The following ZNF264 variants were observed in gnomAD, a reference collection of about 807,000 sequenced individuals.
ZNF264 encodes the protein zinc finger protein 264.
A neutral mutation model predicts 11.2 loss-of-function variants in ZNF264; 11 were observed. That is an observed-to-expected ratio of 0.98 (90% confidence interval 0.62 to 1.63). ZNF264 has a LOEUF of 1.63. ZNF264 is among the 40% of genes most tolerant of loss of function. The pLI is 0.00. For synonymous variants in ZNF264, 309 were observed against 279.8 expected, an observed-to-expected ratio of 1.10 and a Z score of -1.04; for missense variants, 752 against 768.1, an observed-to-expected ratio of 0.98 and a Z score of 0.25.
chr19:57,191,952 T>TG lies in ZNF264; in HGVS notation c.33+8dup. On this transcript the variant is annotated splice_region_variant and intron_variant, in intron 1 of 3. Coordinates refer to ENST00000263095, the MANE Select transcript of ZNF264 (RefSeq NM_003417.5). Reference sequence around the variant, plus strand: ...TGCTGACGGACCGGGCCCAGGTGAGTGGACGGTGGCTTCGCGGTTGCCGCT... The same window carrying TG: ...TGCTGACGGACCGGGCCCAGGTGAGTGGGACGGTGGCTTCGCGGTTGCCGCT... 1 of 1,532,812 alleles carries TG rather than the reference T, an allele frequency of 6.5e-7. No homozygotes were observed. Among genetic ancestry groups the TG allele is most frequent in the Non-Finnish European group, 8.8e-7 (1 of 1,137,988 alleles). The allele number at this position is 1,532,812 out of a possible 1,614,324, so 95.0% of individuals were successfully genotyped here.
Position 57,212,098 on chromosome 19 carries a change from A to G in ZNF264, c.1001A>G (p.Tyr334Cys). ...FRHRPGFLRH[Y>C]VVHSGENPYE... ...CATAGGCCAGGCTTTCTCCGGCACT[A>G]TGTTGTCCACAGTGGTGAGAATCCC... The change falls in exon 4 of 4, where the codon TAT becomes TGT. Residue 334 changes from tyrosine to cysteine, a missense_variant. Coordinates refer to ENST00000263095, the MANE Select transcript of ZNF264 (RefSeq NM_003417.5). The G allele has an allele frequency of 1.2e-6, 2 of 1,614,172 alleles. No homozygotes were observed. The highest frequency in any genetic ancestry group is 1.7e-6 in the Non-Finnish European group (2 of 1,180,036).
At chr19:57,210,138 T>C (rs1221796073) in intron 3 of ZNF264, among the ~76,000 whole-genome samples, 1 of 152,176 alleles carries the variant, frequency 6.6e-6, no homozygotes, top group Non-Finnish European at 1.5e-5. Context: ...TCCTGCAGTT[T>C]CTTTGTACTT....
rs1599955677 is a variant in ZNF264 at position 57,212,796 on chromosome 19, A to G, written c.1699A>G (p.Ile567Val). Residue 567 changes from isoleucine to valine, a missense_variant, in exon 4 of 4, where the codon ATC becomes GTC. Coordinates refer to ENST00000263095, the MANE Select transcript of ZNF264 (RefSeq NM_003417.5). ...AAGGATGCATACTGGGAAAAATCCCATCAGTGTAACAGATGTGGGAAGACC... is the reference window on the plus strand; with the variant it reads ...AAGGATGCATACTGGGAAAAATCCCGTCAGTGTAACAGATGTGGGAAGACC... The part of the protein sequence containing the change: ...HQRMHTGKNP[I>V]SVTDVGRPFT... The G allele has an allele frequency of 6.2e-7, 1 of 1,614,130 alleles. No individual in the cohort carries two copies. Among genetic ancestry groups the G allele is most frequent in the Non-Finnish European group, 8.5e-7 (1 of 1,179,946 alleles).
At chr19:57,196,080 A>G (rs1481372381) in intron 2 of ZNF264, among the ~76,000 whole-genome samples, 2 of 151,808 alleles carry the variant, frequency 1.3e-5, no homozygotes, top group Non-Finnish European at 2.9e-5. Context: ...CCTGCAAAGT[A>G]TTGTCACTAG....
At chr19:57,199,722 A>G (rs879112429) in intron 2 of ZNF264, among the ~76,000 whole-genome samples, 5 of 151,866 alleles carry the variant, frequency 3.3e-5, no homozygotes, top group Admixed American at 3.3e-4. Context: ...TCACCTCCCC[A>G]TGGGTCACAC....
chr19:57,207,203 A>C (rs2087299157), intron 3 of ZNF264, among the ~76,000 whole-genome samples: 3 of 152,044 alleles, frequency 2.0e-5, no homozygotes, highest in Admixed American at 2.0e-4. Context: ...CCAACCTCAG[A>C]CAAGTCAACC....
chr19:57,201,282 G>T (rs2087251570), intron 2 of ZNF264, among the ~76,000 whole-genome samples: 1 of 151,858 alleles, frequency 6.6e-6, no homozygotes, highest in South Asian at 2.1e-4. Context: ...AGAAGTAGTG[G>T]ATCTTAGTTT....
chr19:57,204,981 T>G (rs554031087), intron 2 of ZNF264, among the ~76,000 whole-genome samples: 1 of 151,730 alleles, frequency 6.6e-6, no homozygotes, highest in South Asian at 2.1e-4. Flanking sequence ...AAAATGGTGT[T>G]GATCACGATG....
Position 57,218,427 on chromosome 19 carries a change from G to A in ZNF264, c.*5446G>A, listed in dbSNP as rs1198258921. The A allele has an allele frequency of 6.6e-6, 1 of 152,342 alleles. No homozygotes were observed. The highest frequency in any genetic ancestry group is 2.4e-5 in the African/African-American group (1 of 41,458). The allele number at this position is 152,342 out of a possible 1,614,324, so 9.4% of individuals were successfully genotyped here. ...CTCTAGTGTTCAGAAGTTTGGCTGTGATGTGCGTGGCATGGAAGTTTTTGG... is the reference window on the plus strand; with the variant it reads ...CTCTAGTGTTCAGAAGTTTGGCTGTAATGTGCGTGGCATGGAAGTTTTTGG... On this transcript the variant is annotated 3_prime_UTR_variant, in exon 4 of 4. Coordinates refer to ENST00000263095, the MANE Select transcript of ZNF264 (RefSeq NM_003417.5).
intron 2 of ZNF264, among the ~76,000 whole-genome samples, chr19:57,204,108 A>AC (rs1264864638): frequency 1.3e-5 from 2 of 150,860 alleles, no homozygotes; most frequent in Non-Finnish European, 2.9e-5. Flanking sequence ...AATGGTGTGA[A>AC]CCCGGGCTGA....
In ZNF264 at chr19:57,219,027, C is replaced by A. The variant is rs929800190; in HGVS notation, c.*6046C>A. The A allele has an allele frequency of 6.6e-6, 1 of 152,136 alleles. No homozygotes were observed. The highest frequency in any genetic ancestry group is 1.5e-5 in the Non-Finnish European group (1 of 68,040). The allele number at this position is 152,136 out of a possible 1,614,324, so 9.4% of individuals were successfully genotyped here. On this transcript the variant is annotated 3_prime_UTR_variant, in exon 4 of 4. Transcript: ENST00000263095. ...ATATTTCTATGAACAGATCTTACAACTGAGAGTGATCTGCAGATTTTTCAG... is the reference window on the plus strand; with the variant it reads ...ATATTTCTATGAACAGATCTTACAAATGAGAGTGATCTGCAGATTTTTCAG...
At chr19:57,196,585 C>T (rs944434180) in intron 2 of ZNF264, among the ~76,000 whole-genome samples, 1 of 151,914 alleles carries the variant, frequency 6.6e-6, no homozygotes, top group Non-Finnish European at 1.5e-5. Flanking sequence ...CCATCCCTGC[C>T]ACTATGACCA....
intron 2 of ZNF264, among the ~76,000 whole-genome samples, chr19:57,203,906 G>A (rs1048352116): frequency 3.3e-5 from 5 of 152,180 alleles, no homozygotes; most frequent in Admixed American, 6.5e-5. Context: ...TGTGGCCATG[G>A]CCAGGCGCGG....
At position 57,212,711 on chromosome 19, in the gene ZNF264, C is replaced by G; in HGVS notation, c.1614C>G (p.Pro538=). 6.8e-6 allele frequency: 11 copies of G among 1,614,176 alleles called. No individual in the cohort carries two copies. The highest frequency in any genetic ancestry group is 2.2e-5 in the East Asian group (1 of 44,874). ...RHAIIHTGEK[P]YKCSECGKAF... is the part of the protein sequence containing the mutation. ...CCATTATCCACACTGGAGAGAAGCC[C>G]TATAAATGTAGTGAATGTGGAAAGG... Residue 538 remains proline, a synonymous_variant, in exon 4 of 4, where the codon CCC becomes CCG. Coordinates refer to ENST00000263095, the MANE Select transcript of ZNF264 (RefSeq NM_003417.5).
chr19:57,194,871 C>A, intron 2 of ZNF264: 1 of 400,118 alleles, frequency 2.5e-6, no homozygotes, highest in Non-Finnish European at 4.4e-6. Context: ...TGAATACTTT[C>A]TCTTTAAATT....
At position 57,212,492 on chromosome 19, in the gene ZNF264, C is replaced by G; in HGVS notation, c.1395C>G (p.Ser465Arg). 1 of 1,612,978 alleles carries G rather than the reference C, an allele frequency of 6.2e-7. No individual in the cohort carries two copies. Among genetic ancestry groups the G allele is most frequent in the South Asian group, 1.1e-5 (1 of 91,026 alleles). The change falls in exon 4 of 4, where the codon AGC becomes AGG. Residue 465 changes from serine (S) to arginine (R), a missense_variant. Transcript: ENST00000263095. Reference sequence around the variant, plus strand: ...GCAAAGAGTGTGGGAAAGCCTTTAGCAATCGGAAGGACCTCATTCGCCACT... The same window carrying G: ...GCAAAGAGTGTGGGAAAGCCTTTAGGAATCGGAAGGACCTCATTCGCCACT... Reference protein sequence around the residue: ...FECKECGKAFSNRKDLIRHFS... With the variant: ...FECKECGKAFRNRKDLIRHFS...
chr19:57,207,958 TC>T (rs1285382069), intron 3 of ZNF264, among the ~76,000 whole-genome samples: 1 of 152,096 alleles, frequency 6.6e-6, no homozygotes, highest in East Asian at 1.9e-4. Context: ...ACTCCTGACC[TC>T]AGGTGATCCA....
Position 57,205,491 on chromosome 19 carries a change from A to T in ZNF264, c.255A>T (p.Pro85=). 1 of 1,607,366 alleles carries T rather than the reference A, an allele frequency of 6.2e-7. No homozygotes were observed. The highest frequency in any genetic ancestry group is 8.5e-7 in the Non-Finnish European group (1 of 1,176,880). Residue 85 remains proline, a splice_region_variant and synonymous_variant, in exon 3 of 4, where the codon CCA becomes CCT. Transcript: ENST00000263095. Reference sequence around the variant, plus strand: ...AAGACCTCTCCCAAGACACCTGTCCAGGTAGGAGCCAAGATCTGGGCAGGT... The same window carrying T: ...AAGACCTCTCCCAAGACACCTGTCCTGGTAGGAGCCAAGATCTGGGCAGGT... The part of the protein sequence containing the change: ...RKEDLSQDTC[P]GDKGKPKTTE...
intron 3 of ZNF264, among the ~76,000 whole-genome samples, chr19:57,209,669 G>A (rs1166932824): frequency 1.3e-5 from 2 of 152,154 alleles, no homozygotes; most frequent in Non-Finnish European, 2.9e-5. Flanking sequence ...CTTGAATTTT[G>A]CGGCTGAAGC....
Sources: allele counts gnomAD v4.1 joint callset (sites outside exome capture counted in the v4.1 genomes callset), GRCh38; gene constraint gnomAD v4.1.1; transcripts MANE v1.5; gene names NCBI Gene and HGNC (gene_info 2026-07-23, HGNC 2026-07-21).